Variants in UTP20 observed in about 807,000 individuals in gnomAD.
UTP20 encodes small subunit processome component 20 homolog.
Under a neutral mutation model 329.5 loss-of-function variants are expected in UTP20, and 164 were observed. That is an observed-to-expected ratio of 0.50 (90% CI 0.44 to 0.57). The LOEUF is 0.57. UTP20 is among the 20% of genes least tolerant of loss of function. The pLI, the probability that UTP20 is intolerant of heterozygous loss-of-function variation, is 0.00. For missense variants in UTP20, 3,055 were observed against 3,284.2 expected (o/e 0.93, Z 1.71); for synonymous variants, 1,151 against 1,159.3 (o/e 0.99, Z 0.14).
chr12:101,284,495 T>C (rs1331885365), intron 2 of UTP20, among the ~76,000 whole-genome samples: 1 of 152,208 alleles, frequency 6.6e-6, no homozygotes, highest in African/African-American at 2.4e-5. Flanking sequence ...CTACTGTTGA[T>C]GGACACCTGG....
chr12:101,381,347 A>G (rs1055255880), intron 58 of UTP20, 136 bp downstream of exon 58: 19 of 686,596 alleles, frequency 2.8e-5, no homozygotes, highest in East Asian at 5.4e-5. Flanking sequence ...AGCCTGGCCA[A>G]CATGGCGAAA....
chr12:101,323,747 ATTTAT>A (rs150702203), intron 25 of UTP20, among the ~76,000 whole-genome samples: 18,183 of 151,986 alleles, frequency 0.12, 2,376 homozygotes, highest in East Asian at 0.46. Context: ...TTCATCTGGA[ATTTAT>A]TTTGATGTAT....
intron 41 of UTP20, 21 bp downstream of exon 41, chr12:101,355,139 C>T (rs752931978): frequency 6.2e-7 from 1 of 1,601,746 alleles, no homozygotes; most frequent in Non-Finnish European, 8.5e-7. Context: ...TATTCGGGGT[C>T]CAGCAGGTCT....
intron 22 of UTP20, 71 bp from the exon 23 acceptor site, chr12:101,319,474 G>A (rs1307082125): frequency 1.7e-6 from 2 of 1,155,968 alleles, no homozygotes; most frequent in East Asian, 2.4e-5. Context: ...GAATAAAATT[G>A]TAGATGTCAG....
intron 32 of UTP20, 68 bp downstream of exon 32, chr12:101,340,678 C>CT: frequency 6.2e-6 from 6 of 964,724 alleles, no homozygotes; most frequent in Non-Finnish European, 9.7e-6. Context: ...TAATTGCGAG[C>CT]AGCAATTTTA....
chr12:101,378,715 G>A lies in UTP20; in HGVS notation c.7397-656G>A, dbSNP rs1318774304. On this transcript the variant is annotated intron_variant, in intron 56 of 61. Transcript: ENST00000261637. Reference sequence around the variant, plus strand: ...GCCTGGGCAATGGGAATGAAACCCTGTCGCAAAAAAAAAAGAAAAAAAAGA... The same window carrying A: ...GCCTGGGCAATGGGAATGAAACCCTATCGCAAAAAAAAAAGAAAAAAAAGA... Among the ~76,000 whole-genome samples, 3 of 150,430 alleles carry A rather than the reference G, an allele frequency of 2.0e-5. No homozygotes were observed. The East Asian group carries it at 5.8e-4, about 29-fold the overall frequency.
intron 46 of UTP20, 81 bp from the exon 47 acceptor site, chr12:101,366,477 C>T: frequency 1.3e-6 from 2 of 1,514,700 alleles, no homozygotes; most frequent in Non-Finnish European, 1.8e-6. Context: ...GGGCTCTCGT[C>T]ACTTTAGAAG....
intron 30 of UTP20, 75 bp from the exon 31 acceptor site, chr12:101,338,738 A>G: frequency 7.7e-7 from 1 of 1,295,748 alleles, no homozygotes; most frequent in Non-Finnish European, 1.0e-6. Flanking sequence ...TGCTTTTCTT[A>G]TCATCATGAA....
intron 25 of UTP20, among the ~76,000 whole-genome samples, chr12:101,325,471 G>T (rs1355471962): frequency 6.6e-6 from 1 of 152,188 alleles, no homozygotes; most frequent in Non-Finnish European, 1.5e-5. Flanking sequence ...AAAACTCCTA[G>T]TACCCTAGCA....
chr12:101,295,190 G>A (rs1872308316), intron 11 of UTP20, among the ~76,000 whole-genome samples: 1 of 152,060 alleles, frequency 6.6e-6, no homozygotes, highest in Admixed American at 6.5e-5. Context: ...CTGGGGGTAG[G>A]GAGGGTTCAT....
intron 26 of UTP20, among the ~76,000 whole-genome samples, chr12:101,328,420 G>A (rs1054042085): frequency 7.2e-5 from 11 of 152,252 alleles, no homozygotes; most frequent in Middle Eastern, 3.4e-3. Context: ...GTTTATAAGG[G>A]ACTCTGATTT....
intron 38 of UTP20, among the ~76,000 whole-genome samples, chr12:101,350,912 G>A (rs533464104): frequency 2.6e-5 from 4 of 152,178 alleles, no homozygotes; most frequent in South Asian, 2.1e-4. Context: ...GCTGTGCCCC[G>A]TGGACTCTAG....
chr12:101,361,845 C>T, intron 43 of UTP20, 117 bp from the exon 44 acceptor site: 1 of 758,324 alleles, frequency 1.3e-6, no homozygotes, highest in Non-Finnish European at 2.2e-6. Context: ...CGAAGCTTCT[C>T]CTGGCAATAA....
intron 21 of UTP20, among the ~76,000 whole-genome samples, chr12:101,314,324 A>G (rs1872891871): frequency 6.6e-6 from 1 of 152,178 alleles, no homozygotes; most frequent in Non-Finnish European, 1.5e-5. Flanking sequence ...GGTGACCTTA[A>G]TGAGTTGTTT....
intron 14 of UTP20, among the ~76,000 whole-genome samples, chr12:101,301,382 A>C (rs532964217): frequency 1.3e-5 from 2 of 152,114 alleles, no homozygotes; most frequent in East Asian, 3.9e-4. Context: ...ATTTAAAAAA[A>C]TAAGGCTGGG....
At chr12:101,307,032 G>A (rs1198652672) in intron 17 of UTP20, among the ~76,000 whole-genome samples, 1 of 151,908 alleles carries the variant, frequency 6.6e-6, no homozygotes, top group Non-Finnish European at 1.5e-5. Flanking sequence ...AAAGAAATTA[G>A]CCAGGCGTGG....
rs756399566 is a variant in UTP20, at chr12:101,369,678, G to A, written c.6385-43G>A. Reference sequence around the variant, plus strand: ...CCTCAGGTGCTGCATAGTTGGATTCGGTCACATCACAAGTTGGTGGTGTTT... The same window carrying A: ...CCTCAGGTGCTGCATAGTTGGATTCAGTCACATCACAAGTTGGTGGTGTTT... On this transcript the variant is annotated intron_variant, in intron 48 of 61. Transcript: ENST00000261637. 1.3e-5 allele frequency: 13 copies of A among 992,732 alleles called. No individual in the cohort carries two copies. In the East Asian group the frequency reaches 1.7e-4, roughly 13 times the overall value. 61.5% of individuals were successfully genotyped at this position (992,732 alleles called of 1,614,324 possible). A position where few individuals can be genotyped will look rare whatever the true frequency, so the allele number is the denominator to read the frequency against.
At chr12:101,325,204 A>G (rs991316536) in intron 25 of UTP20, among the ~76,000 whole-genome samples, 3 of 152,170 alleles carry the variant, frequency 2.0e-5, no homozygotes, top group Non-Finnish European at 4.4e-5. Flanking sequence ...ATCTATAACC[A>G]TATTTCTTCC....
chr12:101,281,130 T>A lies in UTP20; in HGVS notation c.60T>A (p.Ala20=), dbSNP rs1275402266. Residue 20 remains alanine, a synonymous_variant, in exon 2 of 62, where the codon GCT becomes GCA. Coordinates refer to ENST00000261637, the MANE Select transcript of UTP20 (RefSeq NM_014503.3). ...TTCCCTTCCAGTTTCTTACATTTGC[T>A]GAACGACTGGGGAATGTTAATATTG... The part of the protein sequence containing the change: ...TENTYRFLTF[A]ERLGNVNIDI... 6.8e-6 allele frequency: 11 copies of A among 1,612,524 alleles called. No individual in the cohort carries two copies. The Admixed American group carries it at 1.7e-4, about 24-fold the overall frequency.
Sources: gnomAD v4.1 joint callset for allele counts (sites outside exome capture counted in the v4.1 genomes callset) on GRCh38, gnomAD v4.1.1 for gene constraint, MANE v1.5 for transcripts, NCBI Gene and HGNC (gene_info 2026-07-23, HGNC 2026-07-21) for gene names.